PHKA2: variants seen among roughly 807,000 people sequenced by gnomAD.
PHKA2 encodes phosphorylase kinase regulatory subunit alpha 2.
PHKA2 carries 31 observed loss-of-function variants against 102.0 expected under a neutral mutation model. The ratio of observed to expected loss-of-function variants is 0.30; its 90% CI spans 0.23 to 0.41. PHKA2 has a LOEUF of 0.41. Among genes scored for constraint, PHKA2 ranks in the 10% least tolerant of loss-of-function variants. The pLI, the probability that PHKA2 is intolerant of heterozygous loss-of-function variation, is 1.00. For missense variants in PHKA2, 858 were observed against 1,023.1 expected (o/e 0.84, Z 2.20); for synonymous variants, 455 against 416.2 (o/e 1.09, Z -1.13).
At chrX:18,904,959 A>G (rs1431056559) in intron 26 of PHKA2, among the ~76,000 whole-genome samples, 2 of 111,817 alleles carry the variant, frequency 1.8e-5, no homozygotes, top group Non-Finnish European at 3.8e-5. Context: ...CACTGCAAGC[A>G]GGGTTCCGGT....
At chrX:18,899,578 T>G (rs2047640468) in intron 28 of PHKA2, among the ~76,000 whole-genome samples, 2 of 112,465 alleles carry the variant, frequency 1.8e-5, no homozygotes, top group African/African-American at 3.2e-5. Context: ...TCACATTTTA[T>G]GGTAAGAATT....
intron 19 of PHKA2, among the ~76,000 whole-genome samples, chrX:18,913,430 G>A (rs1372674325): frequency 2.7e-5 from 3 of 109,373 alleles, no homozygotes; most frequent in Admixed American, 9.8e-5. Context: ...TTTTGAGATG[G>A]AGTCTCGCCT....
At chrX:18,904,817 A>G (rs1266217178) in intron 26 of PHKA2, among the ~76,000 whole-genome samples, 1 of 112,195 alleles carries the variant, frequency 8.9e-6, no homozygotes, top group Middle Eastern at 4.2e-3. Context: ...GCTTGATGAA[A>G]TAAATTCACC....
At chrX:18,940,962 G>A (rs1329146845) in intron 8 of PHKA2, among the ~76,000 whole-genome samples, 2 of 112,117 alleles carry the variant, frequency 1.8e-5, no homozygotes, top group African/African-American at 3.2e-5. Context: ...GGACTCCAAG[G>A]GACAAAAGCA....
At chrX:18,981,247 C>T (rs376601648) in intron 1 of PHKA2, among the ~76,000 whole-genome samples, 4 of 110,877 alleles carry the variant, frequency 3.6e-5, no homozygotes, top group Admixed American at 9.6e-5. Context: ...CACTTGTGGG[C>T]GCATGGCATT....
At position 18,908,091 on chromosome X, in the gene PHKA2, C is replaced by CAGAAAGTT. The variant is rs771675317; in HGVS notation, c.2361-43_2361-36dup. 16 of 1,182,485 alleles carry CAGAAAGTT rather than the reference C, an allele frequency of 1.4e-5. No homozygotes were observed. In the East Asian group the frequency reaches 3.9e-4, roughly 29 times the overall value. On this transcript the variant is annotated intron_variant, in intron 21 of 32. Coordinates refer to ENST00000379942, the MANE Select transcript of PHKA2 (RefSeq NM_000292.3). ...GGTAGAAAAACCCAGAAATATGGTC[C>CAGAAAGTT]AGAAAGTTTAGACTGGGAGAGGAAT...
At chrX:18,949,459 T>C (rs1242150589) in intron 4 of PHKA2, among the ~76,000 whole-genome samples, 1 of 111,790 alleles carries the variant, frequency 8.9e-6, no homozygotes, top group Non-Finnish European at 1.9e-5. Context: ...GCAATATATA[T>C]GAGTTGCCTT....
At chrX:18,922,473 A>C (rs1362113324) in intron 17 of PHKA2, among the ~76,000 whole-genome samples, 1 of 111,492 alleles carries the variant, frequency 9.0e-6, no homozygotes, top group East Asian at 2.8e-4. Flanking sequence ...GGGCCACTTC[A>C]AGTCTACAGC....
chrX:18,961,888 T>C (rs765924742), intron 1 of PHKA2, among the ~76,000 whole-genome samples: 1 of 109,206 alleles, frequency 9.2e-6, no homozygotes, highest in Admixed American at 1.0e-4. Flanking sequence ...AGAGCTGAGA[T>C]GGGTCAAATA....
chrX:18,908,034 G>C lies in PHKA2; in HGVS notation c.2383C>G (p.Leu795Val). 1.7e-6 allele frequency: 2 copies of C among 1,211,522 alleles called. No individual in the cohort carries two copies. Among genetic ancestry groups the C allele is most frequent in the Non-Finnish European group, 2.2e-6 (2 of 895,115 alleles). Reference protein sequence around the residue: ...VIKGPSWDTNLSGQHGVTVQN... With the variant: ...VIKGPSWDTNVSGQHGVTVQN... ...ACGGTGACCCCGTGCTGTCCAGAGAGATTTGTGTCCCAGCTGGGACCCCTG... is the reference window on the plus strand; with the variant it reads ...ACGGTGACCCCGTGCTGTCCAGAGACATTTGTGTCCCAGCTGGGACCCCTG... The change falls in exon 22 of 33, where the codon CTC becomes GTC. Residue 795 changes from leucine to valine, a missense_variant. Leu to Val is a conservative substitution (Grantham distance 32). Transcript: ENST00000379942.
rs370976236 is a variant in PHKA2 at position 18,938,687 on chromosome X, C to T, written c.981G>A (p.Glu327=). The change falls in exon 10 of 33, where the codon GAG becomes GAA. Residue 327 remains glutamate, a synonymous_variant. Transcript: ENST00000379942. The part of the protein sequence containing the change: ...ELKLFENIEC[E]WPVFWTYFII... ...TAAAATATGTCCAAAACACAGGCCA[C>T]TCACATTCAATGTTTTCGAAGAGCT... 1 of 1,200,758 alleles carries T rather than the reference C, an allele frequency of 8.3e-7. No homozygotes were observed. The highest frequency in any genetic ancestry group is 1.1e-6 in the Non-Finnish European group (1 of 886,190).
chrX:18,946,735 C>T (rs1463277602), intron 5 of PHKA2, among the ~76,000 whole-genome samples: 1 of 110,340 alleles, frequency 9.1e-6, no homozygotes, highest in Non-Finnish European at 1.9e-5. Context: ...CTCCCTTCTG[C>T]TGATCTAGAC....
At chrX:18,906,710 C>T (rs761212120) in intron 24 of PHKA2, 26 bp downstream of exon 24, 25 of 1,195,571 alleles carry the variant, frequency 2.1e-5, no homozygotes, top group South Asian at 3.5e-5. Flanking sequence ...GGCTGTGGCC[C>T]GACCCCTCCC....
At chrX:18,946,668 G>A (rs2048583459) in intron 5 of PHKA2, among the ~76,000 whole-genome samples, 1 of 109,793 alleles carries the variant, frequency 9.1e-6, no homozygotes, top group African/African-American at 3.3e-5. Flanking sequence ...CACACTCAGA[G>A]CCTGTTCCTG....
At chrX:18,945,189 G>A in intron 5 of PHKA2, 31 bp from the exon 6 acceptor site, 1 of 942,417 alleles carries the variant, frequency 1.1e-6, no homozygotes, top group Non-Finnish European at 1.5e-6. Context: ...AATCAGAGGG[G>A]AGAAAGAGGT....
At chrX:18,909,177 G>A (rs751378918) in intron 20 of PHKA2, among the ~76,000 whole-genome samples, 4 of 112,101 alleles carry the variant, frequency 3.6e-5, no homozygotes, top group Admixed American at 9.5e-5. Flanking sequence ...TTTTATTTAT[G>A]GAAGGTTCAC....
intron 11 of PHKA2, among the ~76,000 whole-genome samples, chrX:18,932,055 T>G (rs2048324941): frequency 8.9e-6 from 1 of 112,624 alleles, no homozygotes; most frequent in Non-Finnish European, 1.9e-5. Flanking sequence ...AGAACTCTCA[T>G]GGCTCATGCT....
At chrX:18,977,726 T>G (rs530930863) in intron 1 of PHKA2, among the ~76,000 whole-genome samples, 2 of 112,421 alleles carry the variant, frequency 1.8e-5, no homozygotes, top group African/African-American at 6.5e-5. Flanking sequence ...CGGTCTGATA[T>G]TCATACATCA....
At chrX:18,982,850 C>T (rs748857318) in intron 1 of PHKA2, among the ~76,000 whole-genome samples, 18 of 111,839 alleles carry the variant, frequency 1.6e-4, no homozygotes, top group African/African-American at 5.2e-4. Context: ...AAACAAACAA[C>T]AACAAAGAAA....
Sources: allele counts gnomAD v4.1 joint callset (sites outside exome capture counted in the v4.1 genomes callset), GRCh38; gene constraint gnomAD v4.1.1; transcripts MANE v1.5; gene names NCBI Gene and HGNC (gene_info 2026-07-23, HGNC 2026-07-21).